Variants in SYNE3 observed in about 807,000 individuals in gnomAD.
The protein encoded by SYNE3 is nesprin-3.
In SYNE3, 100 loss-of-function variants were observed where a neutral mutation model predicts 111.2. The ratio of observed to expected loss-of-function variants is 0.90; its 90% CI spans 0.77 to 1.06. The LOEUF (loss-of-function observed/expected upper bound fraction) is 1.06. Ranked by LOEUF, SYNE3 falls within the 50% of genes least tolerant of loss-of-function variation. SYNE3 has a pLI of 0.00. For synonymous variants in SYNE3, 547 were observed against 533.9 expected, an observed-to-expected ratio of 1.02 and a Z score of -0.34; for missense variants, 1,160 against 1,240.3, an observed-to-expected ratio of 0.94 and a Z score of 0.97.
intron 2 of SYNE3, among the ~76,000 whole-genome samples, chr14:95,473,588 G>C (rs1479992381): frequency 6.6e-6 from 1 of 152,152 alleles, no homozygotes; most frequent in Non-Finnish European, 1.5e-5. Context: ...AGGTCTACGA[G>C]GTCTTCTGCC....
chr14:95,464,923 A>T (rs931107105), intron 4 of SYNE3, among the ~76,000 whole-genome samples: 1 of 152,262 alleles, frequency 6.6e-6, no homozygotes, highest in Admixed American at 6.5e-5. Flanking sequence ...ATGATTGCAA[A>T]TATAAGCTAT....
Position 95,475,810 on chromosome 14 carries a change from C to T in SYNE3, c.12G>A (p.Gln4=). 1 of 1,565,304 alleles carries T rather than the reference C, an allele frequency of 6.4e-7. No individual in the cohort carries two copies. The highest frequency in any genetic ancestry group is 8.6e-7 in the Non-Finnish European group (1 of 1,158,054). Residue 4 remains glutamine (Q), a synonymous_variant, in exon 2 of 18, where the codon CAG becomes CAA. Transcript: ENST00000682763. MTQ[Q]PQDDFDRSVE... ...CGCTCCTGTCAAAGTCGTCCTGGGGCTGCTGAGTCATGGCACCTGCAGGGG... is the reference window on the plus strand; with the variant it reads ...CGCTCCTGTCAAAGTCGTCCTGGGGTTGCTGAGTCATGGCACCTGCAGGGG...
chr14:95,515,185 A>ACC (rs900370676), intron 1 of SYNE3, among the ~76,000 whole-genome samples: 91 of 151,896 alleles, frequency 6.0e-4, no homozygotes, highest in African/African-American at 1.9e-3. Flanking sequence ...CCGCTCAGCC[A>ACC]CCCCCAGAGG....
At position 95,414,502 on chromosome 14, in the gene SYNE3, T is replaced by A. The variant is rs545668361; in HGVS notation, c.*3324A>T. The A allele has an allele frequency of 4.6e-4, 70 of 152,226 alleles. No individual in the cohort carries two copies. Among genetic ancestry groups the A allele is most frequent in the African/African-American group, 1.6e-3 (66 of 41,516 alleles). 9.4% of individuals were successfully genotyped at this position (152,226 alleles called of 1,614,324 possible). ...CTCGTCTGCTGTCAGTACCTGCCCA[T>A]CCCTCCCGCTCCCAGCTTTTCTTTT... On this transcript the variant is annotated 3_prime_UTR_variant, in exon 18 of 18. Coordinates refer to ENST00000682763, the MANE Select transcript of SYNE3 (RefSeq NM_152592.6).
At position 95,413,366 on chromosome 14, in the gene SYNE3, C is replaced by T. The variant is rs1216414228; in HGVS notation, c.*4460G>A. Reference sequence around the variant, plus strand: ...TCTGGCCCACTTCCCCGTCCGCCCTCTCCAGCCAGACCACCATAAAGTGCA... The same window carrying T: ...TCTGGCCCACTTCCCCGTCCGCCCTTTCCAGCCAGACCACCATAAAGTGCA... On this transcript the variant is annotated 3_prime_UTR_variant, in exon 18 of 18. Coordinates refer to ENST00000682763, the MANE Select transcript of SYNE3 (RefSeq NM_152592.6). The T allele has an allele frequency of 1.3e-5, 2 of 152,546 alleles. No homozygotes were observed. Among genetic ancestry groups the T allele is most frequent in the African/African-American group, 4.8e-5 (2 of 41,474 alleles). The allele number at this position is 152,546 out of a possible 1,614,324, so 9.4% of individuals were successfully genotyped here.
chr14:95,479,969 G>T (rs150895038), intron 1 of SYNE3, among the ~76,000 whole-genome samples: 176 of 152,284 alleles, frequency 1.2e-3, no homozygotes, highest in African/African-American at 3.9e-3. Flanking sequence ...AATGAGAAAA[G>T]GTTGCAGGAG....
chr14:95,425,947 G>A (rs1885406053), intron 17 of SYNE3, among the ~76,000 whole-genome samples: 1 of 152,246 alleles, frequency 6.6e-6, no homozygotes, highest in African/African-American at 2.4e-5. Context: ...GGAGGCCGTG[G>A]TCATCGACCC....
chr14:95,431,944 G>A, intron 17 of SYNE3, 135 bp downstream of exon 17: 1 of 1,016,894 alleles, frequency 9.8e-7, no homozygotes. Flanking sequence ...GCCCAGAGTT[G>A]ATCCCCCATA....
intron 1 of SYNE3, among the ~76,000 whole-genome samples, chr14:95,513,227 T>G (rs549750663): frequency 6.6e-6 from 1 of 152,198 alleles, no homozygotes; most frequent in East Asian, 1.9e-4. Context: ...GCTAATCACC[T>G]TCTTGCTTTT....
chr14:95,514,779 C>A (rs1250285718), intron 1 of SYNE3, among the ~76,000 whole-genome samples: 1 of 152,236 alleles, frequency 6.6e-6, no homozygotes, highest in Non-Finnish European at 1.5e-5. Flanking sequence ...GCCTAGCTGC[C>A]CAGTGGGTTC....
At chr14:95,420,431 G>T (rs1885052196) in intron 17 of SYNE3, among the ~76,000 whole-genome samples, 1 of 152,198 alleles carries the variant, frequency 6.6e-6, no homozygotes, top group Admixed American at 6.5e-5. Flanking sequence ...CTGCTTACAA[G>T]TGTCCTTTTT....
At chr14:95,510,555 G>T (rs111448723) in intron 1 of SYNE3, among the ~76,000 whole-genome samples, 1 of 152,158 alleles carries the variant, frequency 6.6e-6, no homozygotes, top group African/African-American at 2.4e-5. Context: ...AATCCTAGCC[G>T]AGGCCGGTGG....
intron 15 of SYNE3, among the ~76,000 whole-genome samples, chr14:95,435,756 A>AAGTG (rs1886050040): frequency 6.6e-6 from 1 of 152,226 alleles, no homozygotes; most frequent in Non-Finnish European, 1.5e-5. Flanking sequence ...AGGGAAACAG[A>AAGTG]AGTGAGCTAG....
At chr14:95,489,790 C>T (rs1889751987) in intron 1 of SYNE3, among the ~76,000 whole-genome samples, 1 of 152,096 alleles carries the variant, frequency 6.6e-6, no homozygotes, top group Non-Finnish European at 1.5e-5. Flanking sequence ...CCAGGATGGA[C>T]ATCTCTCTGC....
At chr14:95,449,398 T>C in intron 8 of SYNE3, 1 of 981,640 alleles carries the variant, frequency 1.0e-6, no homozygotes, top group Non-Finnish European at 1.2e-6. Context: ...GAGAGAGCCC[T>C]GTGCATCCGC....
chr14:95,456,582 A>T (rs1169117140), intron 5 of SYNE3, among the ~76,000 whole-genome samples: 1 of 152,112 alleles, frequency 6.6e-6, no homozygotes, highest in Non-Finnish European at 1.5e-5. Flanking sequence ...GAGTCTCTAG[A>T]CACTGCCAAA....
At position 95,462,925 on chromosome 14, in the gene SYNE3, C is replaced by T. The variant is rs1048944273; in HGVS notation, c.627+3006G>A. Among the ~76,000 whole-genome samples the T allele has an allele frequency of 1.4e-4, 22 of 152,090 alleles. 1 individual carries two copies. The highest frequency in any genetic ancestry group is 1.2e-3 in the Admixed American group (19 of 15,274). On this transcript the variant is annotated intron_variant, in intron 4 of 17. Transcript: ENST00000682763. ...CTGTAATCCCAGCACTTCGGGAGGC[C>T]AAGGCGGATCACCTGAGGTCGGGAG...
chr14:95,468,048 A>G (rs1888304183), intron 2 of SYNE3, 81 bp from the exon 3 acceptor site: 2 of 1,482,746 alleles, frequency 1.3e-6, no homozygotes, highest in Non-Finnish European at 1.8e-6. Context: ...GGCATGGTGC[A>G]AAGAGCCAGG....
At chr14:95,419,388 T>C (rs189951691) in intron 17 of SYNE3, among the ~76,000 whole-genome samples, 40 of 152,218 alleles carry the variant, frequency 2.6e-4, no homozygotes, top group African/African-American at 8.9e-4. Context: ...AAAGCAAAGG[T>C]ATATATATAC....
Sources: gnomAD v4.1 joint callset for allele counts (sites outside exome capture counted in the v4.1 genomes callset) on GRCh38, gnomAD v4.1.1 for gene constraint, MANE v1.5 for transcripts, NCBI Gene and HGNC (gene_info 2026-07-23, HGNC 2026-07-21) for gene names.